POLA2: variants seen among roughly 807,000 people sequenced by gnomAD.
POLA2 encodes DNA polymerase alpha 2, accessory subunit.
A neutral mutation model predicts 82.8 loss-of-function variants in POLA2; 47 were observed. That is an observed-to-expected ratio of 0.57 (90% confidence interval 0.45 to 0.72). POLA2 has a LOEUF of 0.72. Ranked by LOEUF, POLA2 falls within the 30% of genes least tolerant of loss-of-function variation. POLA2 has a pLI of 0.00. For synonymous variants in POLA2, 287 were observed against 286.8 expected (o/e 1.00, Z -0.01); for missense variants, 634 against 728.1 (o/e 0.87, Z 1.49).
At chr11:65,293,905 G>C (rs1949781549) in intron 13 of POLA2, among the ~76,000 whole-genome samples, 1 of 152,178 alleles carries the variant, frequency 6.6e-6, no homozygotes. Flanking sequence ...GCCACACAGA[G>C]CAACAAGAAA....
At chr11:65,262,397 G>A (rs1479520856) in intron 1 of POLA2, 26 bp downstream of exon 1, 1 of 1,588,758 alleles carries the variant, frequency 6.3e-7, no homozygotes, top group Admixed American at 1.7e-5. Context: ...CTCCCGCCCT[G>A]CAGCCGTGCT....
intron 12 of POLA2, among the ~76,000 whole-genome samples, 158 bp downstream of exon 12, chr11:65,289,246 T>G (rs1949729774): frequency 6.6e-6 from 1 of 152,208 alleles, no homozygotes; most frequent in South Asian, 2.1e-4. Flanking sequence ...AATAAAGATC[T>G]GGAATCCAAG....
chr11:65,287,500 C>G (rs933561489), intron 10 of POLA2: 1 of 400,920 alleles, frequency 2.5e-6, no homozygotes, highest in Non-Finnish European at 4.5e-6. Flanking sequence ...ACTGCATGTT[C>G]TAGGTATTCG....
At position 65,281,735 on chromosome 11, in the gene POLA2, A is replaced by C; in HGVS notation, c.963+3A>C. On this transcript the variant is annotated splice_donor_region_variant and intron_variant, in intron 9 of 17. Coordinates refer to ENST00000265465, the MANE Select transcript of POLA2 (RefSeq NM_002689.4). Reference sequence around the variant, plus strand: ...TTGTTGCCACCAAACTCTACGAGGTACACAGCAGTACCCCCACTTGCCTCT... The same window carrying C: ...TTGTTGCCACCAAACTCTACGAGGTCCACAGCAGTACCCCCACTTGCCTCT... 6.2e-7 allele frequency: 1 copy of C among 1,610,966 alleles called. No individual in the cohort carries two copies. Among genetic ancestry groups the C allele is most frequent in the Non-Finnish European group, 8.5e-7 (1 of 1,177,082 alleles).
rs779406181 is a variant in POLA2 at position 65,268,681 on chromosome 11, GGAA to G, written c.315_317del (p.Glu107del). ...TAACCAGTGTTCTTAGAATTGAAGT[GGAA>G]GAAGAAGAGGAAATCCTCTTGAACT... On this transcript the variant is annotated inframe_deletion, in exon 4 of 18. Coordinates refer to ENST00000265465, the MANE Select transcript of POLA2 (RefSeq NM_002689.4). The G allele has an allele frequency of 6.0e-5, 96 of 1,597,528 alleles. 1 individual carries two copies. The South Asian group carries it at 6.5e-4, about 11-fold the overall frequency.
chr11:65,262,225 C>G lies in POLA2; in HGVS notation c.-68C>G, dbSNP rs912672659. The G allele has an allele frequency of 1.6e-6, 2 of 1,265,616 alleles. No individual in the cohort carries two copies. The highest frequency in any genetic ancestry group is 2.3e-6 in the Non-Finnish European group (2 of 880,116). 78.4% of individuals were successfully genotyped at this position (1,265,616 alleles called of 1,614,324 possible). On this transcript the variant is annotated 5_prime_UTR_variant, in exon 1 of 18. Transcript: ENST00000265465. ...GGCGAGGAGCTCATCGCTCGCCACCCCCGTGGGCTTCTTGGGCGCAGGTCG... is the reference window on the plus strand; with the variant it reads ...GGCGAGGAGCTCATCGCTCGCCACCGCCGTGGGCTTCTTGGGCGCAGGTCG...
In POLA2 at chr11:65,266,648, G is replaced by T. The variant is rs1483672871; in HGVS notation, c.146G>T (p.Cys49Phe). 6.2e-7 allele frequency: 1 copy of T among 1,614,092 alleles called. No individual in the cohort carries two copies. The highest frequency in any genetic ancestry group is 8.5e-7 in the Non-Finnish European group (1 of 1,179,910). The change falls in exon 2 of 18, where the codon TGC (cysteine) becomes TTC (phenylalanine). Residue 49 changes from cysteine (C) to phenylalanine (F), a missense_variant. Transcript: ENST00000265465. ...EGMVGELIAFCTSTHKVGLTS... is the reference protein window; with the variant it reads ...EGMVGELIAFFTSTHKVGLTS... Reference sequence around the variant, plus strand: ...ATGGTAGGCGAGCTTATAGCCTTCTGCACCAGCACACATAAAGTTGGCCTT... The same window carrying T: ...ATGGTAGGCGAGCTTATAGCCTTCTTCACCAGCACACATAAAGTTGGCCTT...
chr11:65,267,028 A>C (rs1042519044), intron 2 of POLA2, among the ~76,000 whole-genome samples: 2 of 152,304 alleles, frequency 1.3e-5, no homozygotes, highest in South Asian at 4.1e-4. Flanking sequence ...CAACGTGGTG[A>C]AACCCTGTCT....
chr11:65,305,663 A>T (rs1167767311), downstream of POLA2: 1 of 295,562 alleles, frequency 3.4e-6, no homozygotes, highest in African/African-American at 2.3e-5. Context: ...CCTGGGTGAC[A>T]GAGCAGGACC....
Position 65,278,901 on chromosome 11 carries a change from G to T in POLA2, c.633G>T (p.Gln211His). ...CTGGGAGCTACAAATCCATGTTTCA[G>T]AAGCTCCCAGACATTCGAGAAGGTG... ...ALTGSYKSMF[Q>H]KLPDIREVLT... Residue 211 changes from glutamine (Q) to histidine (H), a missense_variant, in exon 6 of 18, where the codon CAG becomes CAT. Gln to His is a conservative substitution (Grantham distance 24, BLOSUM62 0). Coordinates refer to ENST00000265465, the MANE Select transcript of POLA2 (RefSeq NM_002689.4). The T allele has an allele frequency of 9.9e-6, 16 of 1,613,506 alleles. No individual in the cohort carries two copies. The highest frequency in any genetic ancestry group is 1.4e-5 in the Non-Finnish European group (16 of 1,179,986).
At chr11:65,299,275 C>T (rs536141387), downstream of POLA2, among the ~76,000 whole-genome samples, 6 of 152,342 alleles carry the variant, frequency 3.9e-5, no homozygotes, top group African/African-American at 9.6e-5. Context: ...ACCAACTAGA[C>T]GGTCCTGAAG....
Position 65,284,132 on chromosome 11 carries a change from T to C in POLA2, c.1006+1611T>C, listed in dbSNP as rs866721859. ...ATGGGTGAAAGAGTAAGACACTAGA[T>C]AGATAGATAGATAGATAGATAGATA... is the stretch of plus-strand genomic sequence containing the variant. On this transcript the variant is annotated intron_variant, in intron 10 of 17. Transcript: ENST00000265465. Among the ~76,000 whole-genome samples, 739 of 109,500 alleles carry C rather than the reference T, an allele frequency of 6.7e-3. 9 individuals carry two copies. The highest frequency in any genetic ancestry group is 0.026 in the African/African-American group (705 of 26,636). 71.8% of individuals were successfully genotyped at this position (109,500 alleles called of 152,430 possible).
chr11:65,285,364 A>G (rs1590904215), intron 10 of POLA2, among the ~76,000 whole-genome samples: 2 of 151,844 alleles, frequency 1.3e-5, no homozygotes, highest in Non-Finnish European at 2.9e-5. Context: ...GAGATCGCCA[A>G]TGAACTCCAG....
intron 4 of POLA2, among the ~76,000 whole-genome samples, chr11:65,270,326 A>G (rs1396301188): frequency 6.6e-6 from 1 of 152,222 alleles, no homozygotes; most frequent in Non-Finnish European, 1.5e-5. Flanking sequence ...GCTGCTCTAC[A>G]GCCTGGATGA....
Position 65,279,539 on chromosome 11 carries a change from T to C in POLA2, c.657T>C (p.Val219=), listed in dbSNP as rs756674039. The change falls in exon 7 of 18, where the codon GTT becomes GTC. Residue 219 remains valine, a splice_region_variant and synonymous_variant. Transcript: ENST00000265465. ...MFQKLPDIRE[V]LTCKIEELGS... Reference sequence around the variant, plus strand: ...TTTTTTCCACTTCTGGGATTGTAGTTCTGACCTGTAAGATAGAAGAACTTG... The same window carrying C: ...TTTTTTCCACTTCTGGGATTGTAGTCCTGACCTGTAAGATAGAAGAACTTG... 7 of 1,606,266 alleles carry C rather than the reference T, an allele frequency of 4.4e-6. No individual in the cohort carries two copies. In the Admixed American group the frequency reaches 1.2e-4, roughly 27 times the overall value.
downstream of POLA2, among the ~76,000 whole-genome samples, chr11:65,303,167 C>G (rs1949867523): frequency 6.6e-6 from 1 of 151,842 alleles, no homozygotes; most frequent in African/African-American, 2.4e-5. Context: ...ACGGTGAAAC[C>G]CCGTCTCTAC....
At chr11:65,281,793 T>C in intron 9 of POLA2, 61 bp downstream of exon 9, 1 of 1,337,498 alleles carries the variant, frequency 7.5e-7, no homozygotes, top group Non-Finnish European at 1.1e-6. Context: ...GTCTGGAAGC[T>C]GTCTGTTCTA....
intron 13 of POLA2, among the ~76,000 whole-genome samples, chr11:65,291,103 C>T (rs920206483): frequency 2.6e-5 from 4 of 152,216 alleles, no homozygotes; most frequent in Admixed American, 2.6e-4. Context: ...ATCTGACATC[C>T]TCCATTCCTG....
chr11:65,280,686 G>C (rs1949630404), intron 7 of POLA2: 1 of 357,824 alleles, frequency 2.8e-6, no homozygotes, highest in Middle Eastern at 7.9e-4. Flanking sequence ...GGCTGCCCTG[G>C]GGTGGTGAGG....
Sources: gnomAD v4.1 joint callset for allele counts (sites outside exome capture counted in the v4.1 genomes callset) on GRCh38, gnomAD v4.1.1 for gene constraint, MANE v1.5 for transcripts, NCBI Gene and HGNC (gene_info 2026-07-23, HGNC 2026-07-21) for gene names.